The following EEIG1 variants were observed in gnomAD, a reference collection of about 807,000 sequenced individuals.
EEIG1 encodes the protein early estrogen-induced gene 1 protein.
At chr9:127,973,542 G>C in the EEIG1 span, among the ~76,000 whole-genome samples, 1 of 152,314 alleles carries the variant, frequency 6.6e-6, no homozygotes, top group South Asian at 2.1e-4. This position sits in a 1 kb window ranked among gnomAD's most constrained non-coding sequence, Gnocchi z 4.2. Context: ...GGGGCTGCCA[G>C]GGTGGCACCT....
chr9:127,960,991 CA>C, the EEIG1 span, among the ~76,000 whole-genome samples: 24 of 10,994 alleles, frequency 2.2e-3, no homozygotes, highest in East Asian at 0.011. Context: ...AAAAAAAAAC[CA>C]CAGCAGCAGC....
chr9:127,958,343 A>C, the EEIG1 span, among the ~76,000 whole-genome samples: 6 of 152,312 alleles, frequency 3.9e-5, no homozygotes, highest in African/African-American at 1.4e-4. Context: ...ATAAAAGAAA[A>C]ATATAGATAT....
chr9:127,944,610 C>G, the EEIG1 span: 1 of 1,610,006 alleles, frequency 6.2e-7, no homozygotes, highest in Admixed American at 1.7e-5. Flanking sequence ...CTAAGCCTGC[C>G]CTACCTGGTG....
chr9:127,952,643 A>G, the EEIG1 span, among the ~76,000 whole-genome samples: 116,244 of 151,904 alleles, frequency 0.77, 45,920 homozygotes, highest in Non-Finnish European at 0.87. Flanking sequence ...TAGAAAGCAC[A>G]TGGAAATTTG....
At chr9:127,945,735 T>C in the EEIG1 span, 31 of 1,571,542 alleles carry the variant, frequency 2.0e-5, no homozygotes, top group Non-Finnish European at 2.6e-5. This position sits in a 1 kb window ranked among gnomAD's most constrained non-coding sequence, Gnocchi z 6.5. Flanking sequence ...CAGGTTCTGG[T>C]CGGGTTCCTC....
the EEIG1 span, chr9:127,980,394 A>G: frequency 5.5e-5 from 22 of 397,562 alleles, no homozygotes; most frequent in Non-Finnish European, 8.2e-5. Flanking sequence ...ACCGGCATGT[A>G]AACAGCAGGG....
the EEIG1 span, chr9:127,948,421 C>G: frequency 2.5e-6 from 4 of 1,613,986 alleles, no homozygotes; most frequent in African/African-American, 4.0e-5. Context: ...TGACCTGTGG[C>G]GAGGGGAGCA....
the EEIG1 span, among the ~76,000 whole-genome samples, chr9:127,979,325 G>A: frequency 2.0e-5 from 3 of 152,250 alleles, no homozygotes; most frequent in Non-Finnish European, 4.4e-5. Context: ...GCAAGGGACA[G>A]CCTGGGAACT....
At chr9:127,944,783 T>C in the EEIG1 span, 1 of 1,611,922 alleles carries the variant, frequency 6.2e-7, no homozygotes. Context: ...TCACCCTCGG[T>C]GTTGCTGCCA....
chr9:127,970,122 T>A, the EEIG1 span, among the ~76,000 whole-genome samples: 1 of 152,134 alleles, frequency 6.6e-6, no homozygotes. Context: ...TCATACACTT[T>A]TTTTTTTTTG....
the EEIG1 span, chr9:127,953,659 C>CA: frequency 6.2e-7 from 1 of 1,609,084 alleles, no homozygotes; most frequent in African/African-American, 1.3e-5. Flanking sequence ...CCAGGGACCT[C>CA]ATGCATCTCC....
the EEIG1 span, among the ~76,000 whole-genome samples, chr9:127,957,381 G>GA: frequency 1.3e-5 from 2 of 151,100 alleles, no homozygotes; most frequent in Admixed American, 6.6e-5. Flanking sequence ...GCATCAAAAA[G>GA]AAAAAAATAC....
At chr9:127,948,076 C>T in the EEIG1 span, 2 of 1,611,120 alleles carry the variant, frequency 1.2e-6, no homozygotes, top group Non-Finnish European at 1.7e-6. Context: ...TGTACCTGAG[C>T]TGAGAATAGT....
chr9:127,970,804 C>CGTGCCTCTGCCCTTGCT, the EEIG1 span, among the ~76,000 whole-genome samples: 3 of 152,224 alleles, frequency 2.0e-5, no homozygotes, highest in African/African-American at 4.8e-5. Flanking sequence ...TCGCCCTTGC[C>CGTGCCTCTGCCCTTGCT]GTGCCTCTGC....
chr9:127,947,076 A>G, the EEIG1 span, among the ~76,000 whole-genome samples: 60 of 152,046 alleles, frequency 3.9e-4, no homozygotes, highest in Middle Eastern at 3.4e-3. Flanking sequence ...GCTCGTTCAC[A>G]TTTTTCATAA....
At chr9:127,965,830 G>A in the EEIG1 span, among the ~76,000 whole-genome samples, 12,087 of 152,318 alleles carry the variant, frequency 0.079, 554 homozygotes, top group South Asian at 0.18. Flanking sequence ...TCCAGGGGCT[G>A]AAGAGCCAGC....
chr9:127,944,598 C>A, the EEIG1 span: 1 of 1,599,846 alleles, frequency 6.3e-7, no homozygotes. Flanking sequence ...GACGACCCCT[C>A]CCTAAGCCTG....
the EEIG1 span, chr9:127,943,064 G>C: frequency 1.2e-6 from 1 of 811,442 alleles, no homozygotes; most frequent in Non-Finnish European, 2.1e-6. Context: ...GTGTGGACTG[G>C]AGTGCATGGA....
chr9:127,961,240 CG>C, the EEIG1 span, among the ~76,000 whole-genome samples: 19 of 152,310 alleles, frequency 1.2e-4, no homozygotes, highest in Non-Finnish European at 2.5e-4. Flanking sequence ...CCCTCAGCCC[CG>C]GGGCCCCTCT....
Sources: gnomAD v4.1 joint callset for allele counts (sites outside exome capture counted in the v4.1 genomes callset) on GRCh38, gnomAD v4.1.1 for gene constraint, Gnocchi (gnomAD v3.1) non-coding constraint, MANE v1.5 for transcripts, NCBI Gene and HGNC (gene_info 2026-07-23, HGNC 2026-07-21) for gene names.